CAST: variants seen among roughly 807,000 people sequenced by gnomAD.
The protein encoded by CAST is MIR583 host.
CAST carries 76 observed loss-of-function variants against 119.6 expected under a neutral mutation model. The observed-to-expected ratio is 0.64, with a 90% CI of 0.53 to 0.77. The LOEUF (loss-of-function observed/expected upper bound fraction) is 0.77. Ranked by LOEUF, CAST falls within the 30% of genes least tolerant of loss-of-function variation. CAST has a pLI of 0.00. For synonymous variants in CAST, 319 were observed against 331.6 expected, an observed-to-expected ratio of 0.96 and a Z score of 0.41; for missense variants, 953 against 946.5, an observed-to-expected ratio of 1.01 and a Z score of -0.09.
At chr5:96,584,217 C>A (rs1234713626) in intron 1 of CAST, among the ~76,000 whole-genome samples, 1 of 152,210 alleles carries the variant, frequency 6.6e-6, no homozygotes, top group Admixed American at 6.5e-5. Flanking sequence ...CAACCTAGAT[C>A]CTTGGCATGC....
At chr5:96,740,662 C>A in intron 12 of CAST, 83 bp from the exon 13 acceptor site, 1 of 973,910 alleles carries the variant, frequency 1.0e-6, no homozygotes, top group Non-Finnish European at 1.7e-6. Flanking sequence ...AGGCACAATT[C>A]AACCCACAAC....
chr5:96,410,675 A>C, the CAST span: 2 of 982,194 alleles, frequency 2.0e-6, no homozygotes, highest in Non-Finnish European at 3.3e-6. Context: ...CATCAAGCTT[A>C]AGCGAATCAG....
chr5:96,384,141 C>A, the CAST span, among the ~76,000 whole-genome samples: 1 of 152,088 alleles, frequency 6.6e-6, no homozygotes, highest in Non-Finnish European at 1.5e-5. Flanking sequence ...CTTCTCTGCA[C>A]CTCTTTTTAT....
the CAST span, among the ~76,000 whole-genome samples, chr5:96,341,011 A>G: frequency 6.6e-6 from 1 of 152,324 alleles, no homozygotes; most frequent in Admixed American, 6.5e-5. Flanking sequence ...ATGAAGTTAG[A>G]AAAACAGTTA....
chr5:96,159,039 G>T, the CAST span, among the ~76,000 whole-genome samples: 4 of 152,104 alleles, frequency 2.6e-5, no homozygotes, highest in Admixed American at 6.5e-5. Context: ...ACTGGAAAAA[G>T]GCAGAAGTCT....
chr5:96,205,832 C>A, the CAST span, among the ~76,000 whole-genome samples: 1 of 151,940 alleles, frequency 6.6e-6, no homozygotes, highest in African/African-American at 2.4e-5. Context: ...GGTATATACC[C>A]AATATGAGAT....
chr5:96,284,349 G>T, the CAST span, among the ~76,000 whole-genome samples: 1 of 152,158 alleles, frequency 6.6e-6, no homozygotes, highest in Non-Finnish European at 1.5e-5. Flanking sequence ...CACCCTGAAA[G>T]TGTCATGGAT....
At chr5:96,550,506 T>C (rs905012603) in intron 1 of CAST, among the ~76,000 whole-genome samples, 16 of 152,018 alleles carry the variant, frequency 1.1e-4, no homozygotes, top group African/African-American at 3.9e-4. Context: ...ACGCCTCTTC[T>C]CCTCCAAAGG....
At chr5:96,720,257 A>C (rs1477930105) in intron 3 of CAST, among the ~76,000 whole-genome samples, 2 of 152,210 alleles carry the variant, frequency 1.3e-5, no homozygotes, top group Non-Finnish European at 2.9e-5. Flanking sequence ...AAACTTTATC[A>C]CTAAGGTGCT....
chr5:96,094,531 G>T, the CAST span, among the ~76,000 whole-genome samples: 3 of 151,794 alleles, frequency 2.0e-5, no homozygotes, highest in Admixed American at 6.6e-5. Flanking sequence ...AGAGAGCTGT[G>T]CTGCGAGTCT....
rs781778332 is a variant in CAST, at chr5:96,696,137, TTAAA to T, written c.210+237_210+240del. 2.5e-4 allele frequency: 68 copies of T among 272,772 alleles called. 1 individual carries two copies. Among genetic ancestry groups the T allele is most frequent in the Non-Finnish European group, 3.9e-4 (55 of 140,926 alleles). 16.9% of individuals were successfully genotyped at this position (272,772 alleles called of 1,614,324 possible). On this transcript the variant is annotated intron_variant, in intron 3 of 31. Transcript: ENST00000675179. Reference sequence around the variant, plus strand: ...AAATCTTCTTGGCATATAATAAGCGTTAAATAAATATTAATTATTATGATGACTA... The same window carrying T: ...AAATCTTCTTGGCATATAATAAGCGTTAAATATTAATTATTATGATGACTA...
At chr5:96,047,662 C>T in the CAST span, among the ~76,000 whole-genome samples, 3 of 151,980 alleles carry the variant, frequency 2.0e-5, no homozygotes, top group South Asian at 2.1e-4. Context: ...GAGTGTCTAC[C>T]GAATGTCAAA....
At chr5:96,414,137 T>TAAAAA in the CAST span, among the ~76,000 whole-genome samples, 7 of 124,748 alleles carry the variant, frequency 5.6e-5, no homozygotes, top group African/African-American at 2.1e-4. Flanking sequence ...AGACTCTGTC[T>TAAAAA]AAAAAAAAAA....
chr5:96,699,380 A>G (rs964124124), intron 3 of CAST, among the ~76,000 whole-genome samples: 7 of 152,242 alleles, frequency 4.6e-5, no homozygotes, highest in South Asian at 4.1e-4. Flanking sequence ...TGACTAAGCC[A>G]AAAAGGAATT....
the CAST span, among the ~76,000 whole-genome samples, chr5:96,185,247 A>T: frequency 6.6e-6 from 1 of 152,286 alleles, no homozygotes; most frequent in Admixed American, 6.5e-5. Flanking sequence ...TCTGGATATT[A>T]GACCTTCGTC....
intron 20 of CAST, among the ~76,000 whole-genome samples, chr5:96,751,634 G>A (rs1024077048): frequency 2.0e-5 from 3 of 152,176 alleles, no homozygotes; most frequent in African/African-American, 7.2e-5. Flanking sequence ...AAGAACCGGA[G>A]AGGAGGAGGG....
At chr5:96,350,333 A>G in the CAST span, among the ~76,000 whole-genome samples, 1 of 152,174 alleles carries the variant, frequency 6.6e-6, no homozygotes, top group Non-Finnish European at 1.5e-5. Context: ...GTAGAGGAAT[A>G]GTCACTTATG....
chr5:96,172,577 G>A, the CAST span, among the ~76,000 whole-genome samples: 1 of 152,226 alleles, frequency 6.6e-6, no homozygotes, highest in Non-Finnish European at 1.5e-5. Flanking sequence ...TACTTCTAGT[G>A]TTGGAGGTAT....
At chr5:96,411,619 C>T in the CAST span, among the ~76,000 whole-genome samples, 4 of 152,138 alleles carry the variant, frequency 2.6e-5, no homozygotes, top group Admixed American at 6.5e-5. Context: ...GAAGGCAACA[C>T]GTTTCTATAT....
Sources: gnomAD v4.1 joint callset for allele counts (sites outside exome capture counted in the v4.1 genomes callset) on GRCh38, gnomAD v4.1.1 for gene constraint, MANE v1.5 for transcripts, NCBI Gene and HGNC (gene_info 2026-07-23, HGNC 2026-07-21) for gene names.